Variants in PRKCA observed in about 807,000 individuals in gnomAD.
PRKCA encodes protein kinase C alpha type.
A neutral mutation model predicts 87.0 loss-of-function variants in PRKCA; 27 were observed. The ratio of observed to expected loss-of-function variants is 0.31; its 90% CI spans 0.23 to 0.43. PRKCA has a LOEUF of 0.43. Among genes scored for constraint, PRKCA ranks in the 20% least tolerant of loss-of-function variants. The pLI is 1.00. For missense variants in PRKCA, 518 were observed against 852.3 expected, an observed-to-expected ratio of 0.61 and a Z score of 4.88; for synonymous variants, 329 against 311.1, an observed-to-expected ratio of 1.06 and a Z score of -0.61.
At chr17:66,708,844 A>G (rs1598888089) in intron 8 of PRKCA, among the ~76,000 whole-genome samples, 1 of 152,308 alleles carries the variant, frequency 6.6e-6, no homozygotes, top group Non-Finnish European at 1.5e-5. Flanking sequence ...TGCTATTGTT[A>G]GTTCCCTTTA....
rs1975570506 is a variant in PRKCA, at chr17:66,792,697, A to G, written c.1854+3718A>G. Among the ~76,000 whole-genome samples the G allele has an allele frequency of 6.6e-6, 1 of 152,250 alleles. No homozygotes were observed. On this transcript the variant is annotated intron_variant, in intron 16 of 16. Transcript: ENST00000413366. This position sits in a 1 kb window ranked among gnomAD's most constrained non-coding sequence, Gnocchi z 4.5. The stretch of plus-strand genomic sequence containing the variant: ...AGTACAGCTGTGGGCTGGATTCTGT[A>G]TAAGGTCACACGTAAAGGAGAACAG...
chr17:66,659,550 A>C (rs558377421), intron 5 of PRKCA, among the ~76,000 whole-genome samples: 1 of 152,278 alleles, frequency 6.6e-6, no homozygotes, highest in African/African-American at 2.4e-5. Context: ...CCTTGTCTCT[A>C]TAAAGAGTAA....
At position 66,308,945 on chromosome 17, in the gene PRKCA, C is replaced by A. The variant is rs7218680; in HGVS notation, c.205+2818C>A. On this transcript the variant is annotated intron_variant, in intron 2 of 16. Coordinates refer to ENST00000413366, the MANE Select transcript of PRKCA (RefSeq NM_002737.3). ...ATCATTCTTCTGCAGGAGAATAACT[C>A]ATTCTCATTCATACCTTTGGCAACA... 1.0e-2 allele frequency among the ~76,000 whole-genome samples: 1,517 copies of A among 152,092 alleles called. 24 individuals carry two copies. The highest frequency in any genetic ancestry group is 0.035 in the African/African-American group (1,452 of 41,464).
chr17:66,540,955 C>G (rs1329071506), intron 3 of PRKCA, among the ~76,000 whole-genome samples: 1 of 152,114 alleles, frequency 6.6e-6, no homozygotes, highest in African/African-American at 2.4e-5. Context: ...TGGAAAATGA[C>G]CAAATAAGAC....
At chr17:66,758,118 C>T (rs1022943734) in intron 13 of PRKCA, among the ~76,000 whole-genome samples, 8 of 152,220 alleles carry the variant, frequency 5.3e-5, no homozygotes, top group African/African-American at 1.9e-4. Flanking sequence ...ATGCTGCCAC[C>T]ACCCATAGCC....
chr17:66,408,829 G>A (rs1034849574), intron 2 of PRKCA, among the ~76,000 whole-genome samples: 8 of 151,882 alleles, frequency 5.3e-5, no homozygotes, highest in East Asian at 1.9e-4. Context: ...CGAGGTGGGC[G>A]GATCACAAGG....
intron 2 of PRKCA, among the ~76,000 whole-genome samples, chr17:66,319,491 T>C (rs1336869614): frequency 6.6e-6 from 1 of 152,160 alleles, no homozygotes; most frequent in African/African-American, 2.4e-5. Context: ...TGTTCCTTTT[T>C]GTCAGGTTAT....
rs1477612941 is a variant in PRKCA, at chr17:66,657,426, C to T, written c.529+11915C>T. ...GAAGGAAGTGTTGTTTCATCAACTT[C>T]GACTCACTTGAGGTAGGGAATGTAA... On this transcript the variant is annotated intron_variant, in intron 5 of 16. Coordinates refer to ENST00000413366, the MANE Select transcript of PRKCA (RefSeq NM_002737.3). 2.6e-5 allele frequency among the ~76,000 whole-genome samples: 4 copies of T among 152,196 alleles called. No individual in the cohort carries two copies. The East Asian group carries it at 5.8e-4, about 22-fold the overall frequency.
rs186525132 is a variant in PRKCA at position 66,479,295 on chromosome 17, T to A, written c.206-16906T>A. On this transcript the variant is annotated intron_variant, in intron 2 of 16. Coordinates refer to ENST00000413366, the MANE Select transcript of PRKCA (RefSeq NM_002737.3). ...TCACTGATCATTAGAGAAATGCAAA[T>A]CAAACAAAATACCATCTCACACCAG... 4.1e-4 allele frequency among the ~76,000 whole-genome samples: 63 copies of A among 152,108 alleles called. No homozygotes were observed. In the East Asian group the frequency reaches 0.011, roughly 27 times the overall value.
In PRKCA at chr17:66,808,740, C is replaced by G. The variant is rs1208051906; in HGVS notation, c.*4703C>G. ...ATTTATTTATTTTGAGATGGAGTTT[C>G]ACTCTTGTTGCCCAGGCTGGAGTGC... On this transcript the variant is annotated 3_prime_UTR_variant, in exon 17 of 17. Transcript: ENST00000413366. The G allele has an allele frequency of 1.3e-5, 2 of 152,204 alleles. No individual in the cohort carries two copies. Among genetic ancestry groups the G allele is most frequent in the African/African-American group, 4.8e-5 (2 of 41,428 alleles). 9.4% of individuals were successfully genotyped at this position (152,204 alleles called of 1,614,324 possible). A position where few individuals can be genotyped will look rare whatever the true frequency, so the allele number is the denominator to read the frequency against.
chr17:66,552,389 G>A (rs1011876388), intron 3 of PRKCA, among the ~76,000 whole-genome samples: 9 of 152,110 alleles, frequency 5.9e-5, no homozygotes, highest in East Asian at 1.9e-4. Flanking sequence ...TTATTTTCTC[G>A]CAGTTTCTGT....
chr17:66,504,327 G>A (rs374636200), intron 3 of PRKCA, among the ~76,000 whole-genome samples: 36 of 152,016 alleles, frequency 2.4e-4, no homozygotes, highest in African/African-American at 8.0e-4. Context: ...AGTGGCCCAC[G>A]CCTGTAATCC....
In PRKCA at chr17:66,451,347, T is replaced by TTAATTA. The variant is rs1567836069; in HGVS notation, c.206-44854_206-44853insTAATTA. Among the ~76,000 whole-genome samples, 415 of 76,364 alleles carry TTAATTA rather than the reference T, an allele frequency of 5.4e-3. 2 individuals are homozygous for TTAATTA. Among genetic ancestry groups the TTAATTA allele is most frequent in the African/African-American group, 0.02 (393 of 19,726 alleles). 50.1% of individuals were successfully genotyped at this position (76,364 alleles called of 152,430 possible). On this transcript the variant is annotated intron_variant, in intron 2 of 16. Coordinates refer to ENST00000413366, the MANE Select transcript of PRKCA (RefSeq NM_002737.3). The stretch of plus-strand genomic sequence containing the variant: ...ACTTTTAGAATACGGAGTTAGAATT[T>TTAATTA]ATTTATTTATTTATTTATTTATTTA...
intron 3 of PRKCA, among the ~76,000 whole-genome samples, chr17:66,591,153 TTTG>T (rs565467479): frequency 6.4e-4 from 98 of 152,226 alleles, no homozygotes; most frequent in Non-Finnish European, 1.0e-3. Flanking sequence ...TTTACAACTT[TTTG>T]TTGTTGTTGT....
intron 2 of PRKCA, among the ~76,000 whole-genome samples, chr17:66,448,515 T>G (rs1186266991): frequency 6.6e-6 from 1 of 152,224 alleles, no homozygotes; most frequent in Non-Finnish European, 1.5e-5. Context: ...CAAAGGCTTT[T>G]AAACTTTAGA....
At chr17:66,732,633 C>A in intron 8 of PRKCA, 55 bp from the exon 9 acceptor site, 1 of 1,608,402 alleles carries the variant, frequency 6.2e-7, no homozygotes, top group South Asian at 1.1e-5. Context: ...TGGTTTCTGT[C>A]ACTCTTTCCC....
At chr17:66,463,017 T>C (rs868021232) in intron 2 of PRKCA, among the ~76,000 whole-genome samples, 6 of 151,948 alleles carry the variant, frequency 3.9e-5, no homozygotes, top group South Asian at 4.2e-4. Context: ...CCAGAATCAA[T>C]TGTAAGCCTG....
intron 2 of PRKCA, among the ~76,000 whole-genome samples, chr17:66,489,563 C>T (rs1037934692): frequency 2.6e-5 from 4 of 151,590 alleles, no homozygotes; most frequent in Non-Finnish European, 5.9e-5. Context: ...TGTGCTCAAG[C>T]GAGCAGGGAG....
intron 8 of PRKCA, among the ~76,000 whole-genome samples, chr17:66,692,868 AAC>A (rs1180896695): frequency 6.6e-6 from 1 of 152,162 alleles, no homozygotes; most frequent in Non-Finnish European, 1.5e-5. Context: ...TATTGGTTGA[AAC>A]ACACACGAGG....
Sources: gnomAD v4.1 joint callset for allele counts (sites outside exome capture counted in the v4.1 genomes callset) on GRCh38, gnomAD v4.1.1 for gene constraint, Gnocchi (gnomAD v3.1) non-coding constraint, MANE v1.5 for transcripts, NCBI Gene and HGNC (gene_info 2026-07-23, HGNC 2026-07-21) for gene names.